Variants in ASB11 observed in about 807,000 individuals in gnomAD.
ASB11 encodes the protein ankyrin repeat and SOCS box protein 11.
A neutral mutation model predicts 20.1 loss-of-function variants in ASB11; 17 were observed. That is an observed-to-expected ratio of 0.85 (90% CI 0.58 to 1.27). The LOEUF (loss-of-function observed/expected upper bound fraction) is 1.27. ASB11 is among the 50% of genes most tolerant of loss of function. The pLI is 0.00. For synonymous variants in ASB11, 107 were observed against 105.6 expected (o/e 1.01, Z -0.08); for missense variants, 259 against 256.9 (o/e 1.01, Z -0.06).
In ASB11 at chrX:15,299,208, C is replaced by T. The variant is rs778890631; in HGVS notation, c.262-1527G>A. Among the ~76,000 whole-genome samples, 16 of 112,228 alleles carry T rather than the reference C, an allele frequency of 1.4e-4. 1 individual carries two copies. The highest frequency in any genetic ancestry group is 1.1e-4 in the Non-Finnish European group (6 of 53,284). ...GAGCCAAATATAAGTGACCAATGGCCTGTGACAAGCTCTCAGGAGATCCAG... is the reference window on the plus strand; with the variant it reads ...GAGCCAAATATAAGTGACCAATGGCTTGTGACAAGCTCTCAGGAGATCCAG... On this transcript the variant is annotated intron_variant, in intron 2 of 6. Coordinates refer to ENST00000480796, the MANE Select transcript of ASB11 (RefSeq NM_080873.3).
intron 1 of ASB11, among the ~76,000 whole-genome samples, chrX:15,309,437 C>A (rs2044922164): frequency 9.2e-6 from 1 of 109,282 alleles, no homozygotes; most frequent in African/African-American, 3.3e-5. Context: ...AAGCTCAGGG[C>A]TCCCACAGAT....
chrX:15,283,450 G>A lies in ASB11; in HGVS notation c.*55C>T, dbSNP rs1927246584. The A allele has an allele frequency of 8.4e-7, 1 of 1,190,890 alleles. No homozygotes were observed. Among genetic ancestry groups the A allele is most frequent in the Non-Finnish European group, 1.1e-6 (1 of 878,710 alleles). Reference sequence around the variant, plus strand: ...TGAGCTTCTACATTAGGTACTCTAGGTACAGCAGACAACAATCTGTGTCAT... The same window carrying A: ...TGAGCTTCTACATTAGGTACTCTAGATACAGCAGACAACAATCTGTGTCAT... On this transcript the variant is annotated 3_prime_UTR_variant, in exon 7 of 7. Transcript: ENST00000480796.
At chrX:15,306,106 TC>T (rs1921237082) in intron 1 of ASB11, among the ~76,000 whole-genome samples, 1 of 112,314 alleles carries the variant, frequency 8.9e-6, no homozygotes, top group African/African-American at 3.2e-5. Context: ...ATGATCTCAT[TC>T]TTTTTTATGA....
intron 1 of ASB11, among the ~76,000 whole-genome samples, chrX:15,311,171 A>G (rs1204995251): frequency 8.9e-6 from 1 of 112,714 alleles, no homozygotes; most frequent in Non-Finnish European, 1.9e-5. Flanking sequence ...TATCTAAAAT[A>G]TTGTAATAAA....
intron 6 of ASB11, among the ~76,000 whole-genome samples, chrX:15,286,127 C>T (rs960507156): frequency 2.7e-4 from 30 of 111,176 alleles, no homozygotes; most frequent in African/African-American, 9.8e-4. Context: ...GTCACAGGTC[C>T]CATCCTAGAC....
chrX:15,292,046 AAAAG>A (rs1400214230), intron 4 of ASB11: 125 of 110,601 alleles, frequency 1.1e-3, no homozygotes, highest in African/African-American at 3.8e-3. Context: ...AAAAAAAAAA[AAAAG>A]AAAGAAAGAC....
chrX:15,300,073 G>A (rs1436791656), intron 2 of ASB11, among the ~76,000 whole-genome samples: 1 of 112,542 alleles, frequency 8.9e-6, no homozygotes, highest in Non-Finnish European at 1.9e-5. Context: ...TCTAATAAGA[G>A]TTAGAAAAAG....
intron 1 of ASB11, among the ~76,000 whole-genome samples, chrX:15,310,982 C>T (rs5935943): frequency 0.33 from 36,695 of 110,814 alleles, 4,598 homozygotes; most frequent in South Asian, 0.56. Context: ...AGCGAAACTC[C>T]AACTCAAAAA....
rs758878984 is a variant in ASB11, at chrX:15,283,579, C to T, written c.898G>A (p.Gly300Ser). Reference sequence around the variant, plus strand: ...TGGATGGCTTGATGACATGCTCGACCGAGACACTTCCGGACACACAGGCGG... The same window carrying T: ...TGGATGGCTTGATGACATGCTCGACTGAGACACTTCCGGACACACAGGCGG... ...LCRLCVRKCL[G>S]RACHQAIHKL... The change falls in exon 7 of 7, where the codon GGT becomes AGT. Residue 300 changes from glycine to serine, a missense_variant. By Grantham distance (56) the Gly-to-Ser change is moderately conservative. Coordinates refer to ENST00000480796, the MANE Select transcript of ASB11 (RefSeq NM_080873.3). 451 of 1,207,545 alleles carry T rather than the reference C, an allele frequency of 3.7e-4. 2 individuals are homozygous for T. The South Asian group carries it at 6.2e-3, about 17-fold the overall frequency.
At chrX:15,296,645 T>C (rs1451737942) in intron 3 of ASB11, among the ~76,000 whole-genome samples, 1 of 112,257 alleles carries the variant, frequency 8.9e-6, no homozygotes, top group African/African-American at 3.2e-5. Context: ...GTATTATTTA[T>C]TAAAAGCTCG....
chrX:15,309,329 A>C (rs1303814646), intron 1 of ASB11, among the ~76,000 whole-genome samples: 1 of 107,010 alleles, frequency 9.3e-6, no homozygotes, highest in Non-Finnish European at 1.9e-5. Context: ...CTGAACATAC[A>C]AGGGATCTAG....
chrX:15,286,410 T>C (rs554601702), intron 6 of ASB11, among the ~76,000 whole-genome samples: 4 of 109,635 alleles, frequency 3.6e-5, no homozygotes, highest in African/African-American at 1.3e-4. Flanking sequence ...CTCACACCTG[T>C]AATCCCAGCA....
chrX:15,315,490 T>C lies in ASB11; in HGVS notation c.116A>G (p.Tyr39Cys), dbSNP rs763148786. 8 of 1,185,524 alleles carry C rather than the reference T, an allele frequency of 6.7e-6. No homozygotes were observed. The highest frequency in any genetic ancestry group is 6.0e-5 in the East Asian group (2 of 33,305). Reference sequence around the variant, plus strand: ...TTCTTTTCTATTTCCTTTGACGATATAGAAATGGGTTAGGAGAGCCAAAAA... The same window carrying C: ...TTCTTTTCTATTTCCTTTGACGATACAGAAATGGGTTAGGAGAGCCAAAAA... ...KVFLALLTHF[Y>C]IVKGNRKEAA... Residue 39 changes from tyrosine (Y) to cysteine (C), a missense_variant, in exon 1 of 7, where the codon TAT (tyrosine) becomes TGT (cysteine). Tyr to Cys is a radical substitution (Grantham distance 194). Transcript: ENST00000480796.
chrX:15,297,032 G>T (rs1030178948), intron 3 of ASB11, among the ~76,000 whole-genome samples: 1 of 112,596 alleles, frequency 8.9e-6, no homozygotes, highest in Non-Finnish European at 1.9e-5. Flanking sequence ...GGTGGCTCAC[G>T]CCTGTAATCC....
intron 2 of ASB11, among the ~76,000 whole-genome samples, chrX:15,301,928 C>A (rs1438523223): frequency 8.9e-6 from 1 of 111,959 alleles, no homozygotes; most frequent in African/African-American, 3.2e-5. Flanking sequence ...ATCCTGGAAT[C>A]CAGGTATTGC....
rs367631030 is a variant in ASB11, at chrX:15,282,800, A to G, written c.*705T>C. ...CTGAAGTCCTTAACTTTATATATGT[A>G]TATATATATAAAGTCTATATAAATA... On this transcript the variant is annotated 3_prime_UTR_variant, in exon 7 of 7. Transcript: ENST00000480796. The G allele has an allele frequency of 3.7e-5, 4 of 107,165 alleles. 1 individual carries two copies. In the South Asian group the frequency reaches 1.6e-3, roughly 42 times the overall value. The allele number at this position is 107,165 out of a possible 1,213,427, so 8.8% of individuals were successfully genotyped here.
Position 15,297,640 on chromosome X carries a change from A to C in ASB11, c.303T>G (p.Ser101=). The C allele has an allele frequency of 8.3e-7, 1 of 1,210,674 alleles. No individual in the cohort carries two copies. Among genetic ancestry groups the C allele is most frequent in the East Asian group, 3.0e-5 (1 of 33,759 alleles). The change falls in exon 3 of 7, where the codon TCT becomes TCG. Residue 101 remains serine (S), a synonymous_variant. Transcript: ENST00000480796. ...VNLVTINRVS[S]LHEACLGGHV... ...GACCTCCAAGGCATGCCTCGTGGAGAGAAGACACCCGGTTAATTGTCACAA... is the reference window on the plus strand; with the variant it reads ...GACCTCCAAGGCATGCCTCGTGGAGCGAAGACACCCGGTTAATTGTCACAA...
intron 2 of ASB11, among the ~76,000 whole-genome samples, chrX:15,301,822 T>G (rs1192160123): frequency 8.9e-6 from 1 of 112,278 alleles, no homozygotes; most frequent in Non-Finnish European, 1.9e-5. Context: ...AAATGTTCCC[T>G]GGGGAGTCAG....
At chrX:15,294,308 TG>T (rs2147691955) in intron 3 of ASB11, among the ~76,000 whole-genome samples, 1 of 112,330 alleles carries the variant, frequency 8.9e-6, no homozygotes, top group South Asian at 3.7e-4. Context: ...TAAGGATGCA[TG>T]CTTGTGATAA....
Sources: allele counts gnomAD v4.1 joint callset (sites outside exome capture counted in the v4.1 genomes callset), GRCh38; gene constraint gnomAD v4.1.1; transcripts MANE v1.5; gene names NCBI Gene and HGNC (gene_info 2026-07-23, HGNC 2026-07-21).